SRRM4: variants seen among roughly 807,000 people sequenced by gnomAD.
The protein encoded by SRRM4 is serine/arginine repetitive matrix protein 4.
A neutral mutation model predicts 68.9 loss-of-function variants in SRRM4; 33 were observed. The observed-to-expected ratio is 0.48, with a 90% confidence interval of 0.36 to 0.64. The LOEUF (loss-of-function observed/expected upper bound fraction) is 0.64. SRRM4 is among the 30% of genes least tolerant of loss of function. The probability of loss-of-function intolerance (pLI) is 0.00; values close to 1 mark genes in which losing one functional copy is unlikely to be tolerated. For missense variants in SRRM4, 817 were observed against 827.1 expected (o/e 0.99, Z 0.15); for synonymous variants, 318 against 318.8 (o/e 1.00, Z 0.03).
chr12:119,136,612 C>T (rs1007713900), intron 8 of SRRM4, among the ~76,000 whole-genome samples: 6 of 152,074 alleles, frequency 3.9e-5, no homozygotes, highest in Admixed American at 2.6e-4. Flanking sequence ...AGGAAAGACA[C>T]GACCTTGGAA....
chr12:119,116,006 C>T (rs1040504210), intron 3 of SRRM4, among the ~76,000 whole-genome samples: 6 of 152,168 alleles, frequency 3.9e-5, no homozygotes, highest in East Asian at 1.9e-4. Flanking sequence ...ACAGGATCTT[C>T]GGCTAATCTG....
intron 3 of SRRM4, among the ~76,000 whole-genome samples, chr12:119,115,634 C>G (rs1954174821): frequency 6.6e-6 from 1 of 152,118 alleles, no homozygotes; most frequent in African/African-American, 2.4e-5. Context: ...GAGTCCTAGC[C>G]ATTGTAGGGT....
chr12:119,112,129 G>A (rs1198430891), intron 2 of SRRM4, among the ~76,000 whole-genome samples: 1 of 152,072 alleles, frequency 6.6e-6, no homozygotes, highest in Admixed American at 6.6e-5. Flanking sequence ...CATGCATACT[G>A]TGCCTTGTGC....
chr12:119,025,436 T>TTTTG (rs574586645), intron 1 of SRRM4, among the ~76,000 whole-genome samples: 3 of 151,064 alleles, frequency 2.0e-5, no homozygotes, highest in African/African-American at 4.9e-5. Context: ...GAGTTTTTTT[T>TTTTG]TTTGTTTGTT....
Position 119,063,375 on chromosome 12 carries a change from A to G in SRRM4, c.132-38861A>G, listed in dbSNP as rs1953826334. 2.0e-5 allele frequency among the ~76,000 whole-genome samples: 3 copies of G among 152,180 alleles called. No homozygotes were observed. In the South Asian group the frequency reaches 6.2e-4, roughly 32 times the overall value. The stretch of plus-strand genomic sequence containing the variant: ...AACAAAGGTTCCTTTTCATGTTTAT[A>G]CTACATGTTTGTCATGGGCTGGCCA... On this transcript the variant is annotated intron_variant, in intron 1 of 12. Transcript: ENST00000267260.
intron 1 of SRRM4, among the ~76,000 whole-genome samples, chr12:119,027,189 T>G (rs1437460255): frequency 6.6e-6 from 1 of 152,140 alleles, no homozygotes; most frequent in East Asian, 1.9e-4. Flanking sequence ...GAGCACCAAC[T>G]AAACCAACAC....
chr12:118,986,323 C>G (rs186622703), intron 1 of SRRM4, among the ~76,000 whole-genome samples: 1 of 152,030 alleles, frequency 6.6e-6, no homozygotes, highest in Non-Finnish European at 1.5e-5. Context: ...AGGAAGGGAG[C>G]GTTATTGTGT....
At position 119,122,107 on chromosome 12, in the gene SRRM4, A is replaced by T; in HGVS notation, c.502A>T (p.Arg168Trp). The stretch of plus-strand genomic sequence containing the variant: ...AAAAAGCAAAAGAAGAGATGAGAAG[A>T]GGCACAAGAAACAGTAAGTAGATAC... ...SPKSKRRDEK[R>W]HKKQSRSRPR... Residue 168 changes from arginine to tryptophan, a missense_variant, in exon 6 of 13, where the codon AGG becomes TGG. By Grantham distance (101) the Arg-to-Trp change is moderately radical. Transcript: ENST00000267260. 6.2e-7 allele frequency: 1 copy of T among 1,610,552 alleles called. No homozygotes were observed.
chr12:119,010,076 C>T (rs994305688), intron 1 of SRRM4, among the ~76,000 whole-genome samples: 10 of 152,104 alleles, frequency 6.6e-5, no homozygotes, highest in Admixed American at 2.6e-4. Flanking sequence ...TTCCTGAGAC[C>T]GAGTCTCTCT....
chr12:119,003,265 C>T (rs1953396746), intron 1 of SRRM4, among the ~76,000 whole-genome samples: 1 of 151,682 alleles, frequency 6.6e-6, no homozygotes, highest in African/African-American at 2.4e-5. Flanking sequence ...TCTCTACCCC[C>T]TCCCCATCCC....
In SRRM4 at chr12:119,150,906, A is replaced by G. The variant is rs1316274386; in HGVS notation, c.1077-111A>G. 4 of 947,948 alleles carry G rather than the reference A, an allele frequency of 4.2e-6. No individual in the cohort carries two copies. In the East Asian group the frequency reaches 1.1e-4, roughly 25 times the overall value. The allele number at this position is 947,948 out of a possible 1,614,324, so 58.7% of individuals were successfully genotyped here. A position where few individuals can be genotyped will look rare whatever the true frequency, so the allele number is the denominator to read the frequency against. On this transcript the variant is annotated intron_variant, in intron 9 of 12. Transcript: ENST00000267260. ...AGAGAATAGGATGGGAAAAGGGGCA[A>G]AGAGGGTTCTATGAGAGCACCACAG...
chr12:118,981,779 G>C lies in SRRM4; in HGVS notation c.-104G>C. On this transcript the variant is annotated 5_prime_UTR_variant, in exon 1 of 13. Transcript: ENST00000267260. ...TCTCTCCCACCCCACCCCTCTCTGG[G>C]TTTCACCCGGACAGAGCCGGGAGCT... 1.4e-6 allele frequency: 2 copies of C among 1,379,902 alleles called. No individual in the cohort carries two copies. The highest frequency in any genetic ancestry group is 2.0e-6 in the Non-Finnish European group (2 of 1,025,060). 85.5% of individuals were successfully genotyped at this position (1,379,902 alleles called of 1,614,324 possible).
chr12:119,013,481 A>G (rs1043043832), intron 1 of SRRM4, among the ~76,000 whole-genome samples: 1 of 151,934 alleles, frequency 6.6e-6, no homozygotes, highest in Non-Finnish European at 1.5e-5. Flanking sequence ...GTATTAAAAA[A>G]CCCCAAAATT....
At chr12:119,008,119 A>C (rs1953426815) in intron 1 of SRRM4, among the ~76,000 whole-genome samples, 1 of 152,156 alleles carries the variant, frequency 6.6e-6, no homozygotes, top group Non-Finnish European at 1.5e-5. Flanking sequence ...GAATATGAAT[A>C]GGCCTGGAGC....
At chr12:119,054,022 C>T (rs896222693) in intron 1 of SRRM4, among the ~76,000 whole-genome samples, 7 of 152,260 alleles carry the variant, frequency 4.6e-5, no homozygotes, top group South Asian at 2.1e-4. Context: ...CGCACCTCCC[C>T]GCTACCAACC....
chr12:119,124,422 A>G (rs1306202514), intron 6 of SRRM4: 1 of 152,142 alleles, frequency 6.6e-6, no homozygotes, highest in Admixed American at 6.5e-5. Flanking sequence ...CAGGGAAGGG[A>G]TATGGTCTGA....
At chr12:119,073,393 T>A (rs1410487764) in intron 1 of SRRM4, among the ~76,000 whole-genome samples, 1 of 148,312 alleles carries the variant, frequency 6.7e-6, no homozygotes, top group African/African-American at 2.5e-5. Flanking sequence ...AGTGGCAAGA[T>A]CATGGCTCAC....
At chr12:119,130,933 A>T (rs974752567) in intron 8 of SRRM4, 99 bp downstream of exon 8, 1 of 1,221,886 alleles carries the variant, frequency 8.2e-7, no homozygotes, top group African/African-American at 1.5e-5. Flanking sequence ...CTTTAATTCA[A>T]TTTCTGACAA....
intron 6 of SRRM4, among the ~76,000 whole-genome samples, chr12:119,124,987 T>G (rs890574636): frequency 3.3e-5 from 5 of 152,238 alleles, no homozygotes. Flanking sequence ...ATTATGTTAG[T>G]GCTGGGCTGA....
Sources: gnomAD v4.1 joint callset for allele counts (sites outside exome capture counted in the v4.1 genomes callset) on GRCh38, gnomAD v4.1.1 for gene constraint, MANE v1.5 for transcripts, NCBI Gene and HGNC (gene_info 2026-07-23, HGNC 2026-07-21) for gene names.